The following PLEKHA1 variants were observed in gnomAD, a reference collection of about 807,000 sequenced individuals.
PLEKHA1 encodes pleckstrin homology domain containing A1, also known as pleckstrin homology domain-containing family A member 1.
In PLEKHA1, 34 loss-of-function variants were observed where a neutral mutation model predicts 52.0. That is an observed-to-expected ratio of 0.65 (90% CI 0.50 to 0.87). The LOEUF is 0.87. Ranked by LOEUF, PLEKHA1 falls within the 40% of genes least tolerant of loss-of-function variation. The pLI is 0.00. For missense variants in PLEKHA1, 497 were observed against 504.2 expected (o/e 0.99, Z 0.14); for synonymous variants, 163 against 170.7 (o/e 0.95, Z 0.35).
At chr10:122,383,546 A>C (rs1236544532) in intron 1 of PLEKHA1, among the ~76,000 whole-genome samples, 4 of 149,018 alleles carry the variant, frequency 2.7e-5, no homozygotes, top group Non-Finnish European at 5.9e-5. Context: ...TGAATTGCTG[A>C]GCTCACACAA....
intron 2 of PLEKHA1, among the ~76,000 whole-genome samples, chr10:122,394,732 A>G (rs1435771290): frequency 6.6e-6 from 1 of 152,206 alleles, no homozygotes; most frequent in African/African-American, 2.4e-5. Context: ...CTCCTCACCC[A>G]TATGAGCCAT....
At chr10:122,434,731 C>A (rs1401874295), downstream of PLEKHA1, 4 of 125,422 alleles carry the variant, frequency 3.2e-5, no homozygotes, top group Non-Finnish European at 6.7e-5. Context: ...CCCCCACCCC[C>A]CAACAGTCCC....
intron 2 of PLEKHA1, 62 bp from the exon 3 acceptor site, chr10:122,397,856 T>A: frequency 7.9e-7 from 1 of 1,265,270 alleles, no homozygotes; most frequent in African/African-American, 1.5e-5. Flanking sequence ...ATGTGGAACA[T>A]TATATTATAA....
At chr10:122,380,415 A>G (rs1167399289) in intron 1 of PLEKHA1, among the ~76,000 whole-genome samples, 1 of 152,220 alleles carries the variant, frequency 6.6e-6, no homozygotes, top group Non-Finnish European at 1.5e-5. Context: ...TAAGGAGAAG[A>G]ATAACATGGG....
In PLEKHA1 at chr10:122,410,859, G is replaced by T. The variant is rs544425928; in HGVS notation, c.343-2061G>T. On this transcript the variant is annotated intron_variant, in intron 5 of 11. Transcript: ENST00000368990. ...TAGTTTTCTTATGGGTCACCTCTTA[G>T]CAGCACCTCTCATTTTATCTAGTTG... Among the ~76,000 whole-genome samples the T allele has an allele frequency of 2.6e-5, 4 of 152,174 alleles. No homozygotes were observed. In the East Asian group the frequency reaches 7.7e-4, roughly 29 times the overall value.
At chr10:122,403,019 A>G (rs1231887726) in intron 4 of PLEKHA1, among the ~76,000 whole-genome samples, 1 of 152,202 alleles carries the variant, frequency 6.6e-6, no homozygotes, top group Admixed American at 6.5e-5. Flanking sequence ...TCCACAATCA[A>G]CAGCCCTACG....
the PLEKHA1 span, chr10:122,441,358 C>G: frequency 6.6e-6 from 1 of 152,118 alleles, no homozygotes; most frequent in Admixed American, 6.6e-5. Context: ...GTCCCAGCGA[C>G]TTGCATTGCG....
chr10:122,414,254 A>G (rs2097144495), intron 6 of PLEKHA1, among the ~76,000 whole-genome samples: 1 of 152,094 alleles, frequency 6.6e-6, no homozygotes, highest in Non-Finnish European at 1.5e-5. Context: ...AAGACACTGT[A>G]TTAGTTTGTA....
At chr10:122,421,263 A>G (rs2097256558) in intron 8 of PLEKHA1, 1 of 152,202 alleles carries the variant, frequency 6.6e-6, no homozygotes, top group Non-Finnish European at 1.5e-5. Flanking sequence ...TGCCCAAGGT[A>G]TGTAATCAGA....
chr10:122,427,978 AGTT>A (rs1422759609), intron 11 of PLEKHA1, among the ~76,000 whole-genome samples: 2 of 152,308 alleles, frequency 1.3e-5, no homozygotes, highest in Non-Finnish European at 2.9e-5. Context: ...CTGATTTCTT[AGTT>A]GTTAAGTCAT....
chr10:122,426,102 T>A (rs1485030997), intron 10 of PLEKHA1, among the ~76,000 whole-genome samples: 1 of 152,250 alleles, frequency 6.6e-6, no homozygotes, highest in Non-Finnish European at 1.5e-5. Context: ...GTGCATAGTT[T>A]TTGTACATTT....
At chr10:122,397,472 G>A (rs2096866930) in intron 2 of PLEKHA1, among the ~76,000 whole-genome samples, 1 of 151,974 alleles carries the variant, frequency 6.6e-6, no homozygotes, top group Non-Finnish European at 1.5e-5. Context: ...CATTTAAATG[G>A]GGGGAAATGC....
At chr10:122,402,408 C>T (rs1362627761) in intron 4 of PLEKHA1, among the ~76,000 whole-genome samples, 1 of 152,146 alleles carries the variant, frequency 6.6e-6, no homozygotes, top group East Asian at 1.9e-4. Context: ...CTCAGATTGT[C>T]CCAAACCAGT....
At chr10:122,413,208 A>G (rs1590745349) in intron 6 of PLEKHA1, among the ~76,000 whole-genome samples, 163 bp downstream of exon 6, 1 of 152,160 alleles carries the variant, frequency 6.6e-6, no homozygotes, top group East Asian at 1.9e-4. Context: ...AAATTTGGAA[A>G]TTACATAACA....
rs150031012 is a variant in PLEKHA1, at chr10:122,406,686, A to AT, written c.342+20dup. The AT allele has an allele frequency of 3.1e-4, 484 of 1,564,152 alleles. No homozygotes were observed. In the East Asian group the frequency reaches 0.01, roughly 32 times the overall value. On this transcript the variant is annotated intron_variant, in intron 5 of 11. Coordinates refer to ENST00000368990, the MANE Select transcript of PLEKHA1 (RefSeq NM_001001974.4). ...TATAAAAATTACAGTAAGTATATGT[A>AT]TTTTTTTGAAAAACGTTCGATGTCT...
chr10:122,428,492 T>C (rs1267065568), intron 11 of PLEKHA1: 3 of 1,241,150 alleles, frequency 2.4e-6, no homozygotes, highest in Non-Finnish European at 3.1e-6. Flanking sequence ...ACTGTTTCAC[T>C]GTAGTCATCA....
chr10:122,374,910 G>C (rs922878107), intron 1 of PLEKHA1, 104 bp downstream of exon 1: 1 of 154,328 alleles, frequency 6.5e-6, no homozygotes, highest in Admixed American at 6.6e-5. Context: ...GCTGGAGCGC[G>C]GTTCCCGCTG....
At chr10:122,406,880 A>T (rs1366843931) in intron 5 of PLEKHA1, among the ~76,000 whole-genome samples, 1 of 152,178 alleles carries the variant, frequency 6.6e-6, no homozygotes, top group African/African-American at 2.4e-5. Flanking sequence ...TTTTTAACTT[A>T]TGCACCTAAT....
rs267602396 is a variant in PLEKHA1, at chr10:122,424,920, C to G, written c.771C>G (p.Leu257=). 2 of 1,610,626 alleles carry G rather than the reference C, an allele frequency of 1.2e-6. No individual in the cohort carries two copies. Among genetic ancestry groups the G allele is most frequent in the Non-Finnish European group, 1.7e-6 (2 of 1,178,422 alleles). Reference sequence around the variant, plus strand: ...GCGACATAATGATGAGGGACAACCTCTTTGAAATTGTAACAACGTCTCGAA... The same window carrying G: ...GCGACATAATGATGAGGGACAACCTGTTTGAAATTGTAACAACGTCTCGAA... ...KQSDIMMRDN[L]FEIVTTSRTF... The change falls in exon 10 of 12, where the codon CTC becomes CTG. Residue 257 remains leucine (L), a synonymous_variant. Transcript: ENST00000368990.
Sources: allele counts gnomAD v4.1 joint callset (sites outside exome capture counted in the v4.1 genomes callset), GRCh38; gene constraint gnomAD v4.1.1; transcripts MANE v1.5; gene names NCBI Gene and HGNC (gene_info 2026-07-23, HGNC 2026-07-21).